The following AXDND1 variants were observed in gnomAD, a reference collection of about 807,000 sequenced individuals.
AXDND1 encodes axonemal dynein light chain domain containing 1, also known as axonemal dynein light chain domain-containing protein 1.
AXDND1 carries 110 observed loss-of-function variants against 137.5 expected under a neutral mutation model. The ratio of observed to expected loss-of-function variants is 0.80; its 90% CI spans 0.69 to 0.94. AXDND1 has a LOEUF of 0.94. AXDND1 is among the 40% of genes least tolerant of loss of function. The pLI is 0.00. For missense variants in AXDND1, 1,191 were observed against 1,169.8 expected, an observed-to-expected ratio of 1.02 and a Z score of -0.26; for synonymous variants, 414 against 399.7, an observed-to-expected ratio of 1.04 and a Z score of -0.43.
chr1:179,457,382 A>G (rs1271167828), intron 16 of AXDND1: 3 of 423,410 alleles, frequency 7.1e-6, no homozygotes, highest in Admixed American at 3.0e-5. Flanking sequence ...GGCGGCGTCC[A>G]GGGGCAGAAA....
In AXDND1 at chr1:179,403,958, T is replaced by G. The variant is rs185460303; in HGVS notation, c.1110-7188T>G. 3.9e-5 allele frequency among the ~76,000 whole-genome samples: 6 copies of G among 152,326 alleles called. No individual in the cohort carries two copies. The East Asian group carries it at 1.2e-3, about 29-fold the overall frequency. On this transcript the variant is annotated intron_variant, in intron 11 of 25. Transcript: ENST00000367618. ...ACAAAAGTATTACAGTAATACCGTA[T>G]GTACTGTAGTTAATTTTATTCAACT...
intron 23 of AXDND1, among the ~76,000 whole-genome samples, chr1:179,530,335 T>C (rs1047922936): frequency 2.0e-5 from 3 of 152,078 alleles, no homozygotes; most frequent in African/African-American, 7.2e-5. Flanking sequence ...GGCCAAAATT[T>C]TTTAAAAAGG....
chr1:179,390,476 T>A (rs1173390249), intron 9 of AXDND1, among the ~76,000 whole-genome samples: 2 of 152,222 alleles, frequency 1.3e-5, no homozygotes, highest in African/African-American at 4.8e-5. Flanking sequence ...TCGTTTTACA[T>A]GTTGTCAATT....
At chr1:179,490,656 A>G (rs1210371860) in intron 18 of AXDND1, among the ~76,000 whole-genome samples, 3 of 152,168 alleles carry the variant, frequency 2.0e-5, no homozygotes, top group South Asian at 4.1e-4. Context: ...CCACTTACCA[A>G]TGTAAGGCAT....
chr1:179,465,635 A>G (rs1663036347), intron 16 of AXDND1, among the ~76,000 whole-genome samples: 1 of 152,148 alleles, frequency 6.6e-6, no homozygotes, highest in Non-Finnish European at 1.5e-5. Context: ...GAGAACCACT[A>G]CTTGCTTCAA....
At chr1:179,535,141 A>G in intron 25 of AXDND1, 179 bp downstream of exon 25, 1 of 867,158 alleles carries the variant, frequency 1.2e-6, no homozygotes, top group East Asian at 2.9e-5. Context: ...ACTCACAAAA[A>G]GGAAAACCAA....
chr1:179,373,138 A>G (rs1668212617), intron 4 of AXDND1, among the ~76,000 whole-genome samples: 1 of 152,224 alleles, frequency 6.6e-6, no homozygotes, highest in African/African-American at 2.4e-5. Flanking sequence ...TCTAAGGGAC[A>G]CATTCAAACC....
chr1:179,490,762 G>GT (rs34944088), intron 18 of AXDND1, among the ~76,000 whole-genome samples: 85,031 of 146,552 alleles, frequency 0.58, 25,671 homozygotes, highest in Non-Finnish European at 0.67. Flanking sequence ...CACAGTACTT[G>GT]TTTTTTTTTT....
intron 4 of AXDND1, among the ~76,000 whole-genome samples, chr1:179,376,839 A>G (rs1184437218): frequency 6.6e-6 from 1 of 152,164 alleles, no homozygotes; most frequent in African/African-American, 2.4e-5. Context: ...GTCACTTACA[A>G]TATGGTTAAT....
At chr1:179,546,121 G>GA (rs1558329375) in intron 25 of AXDND1, 1 of 152,120 alleles carries the variant, frequency 6.6e-6, no homozygotes. Flanking sequence ...CCAAGAGAGA[G>GA]AAAAGCTACC....
intron 18 of AXDND1, among the ~76,000 whole-genome samples, chr1:179,485,590 T>C (rs1030087556): frequency 5.9e-5 from 9 of 152,222 alleles, no homozygotes; most frequent in South Asian, 2.1e-4. Flanking sequence ...TCACAAAGAT[T>C]AGAAAGAGCC....
chr1:179,425,834 TC>T (rs139603933), intron 12 of AXDND1, among the ~76,000 whole-genome samples: 1 of 116,808 alleles, frequency 8.6e-6, no homozygotes, highest in Admixed American at 9.5e-5. Flanking sequence ...ATGTGGAAGC[TC>T]TTTTTTTTTT....
At chr1:179,473,596 T>C (rs981247620) in intron 17 of AXDND1, among the ~76,000 whole-genome samples, 1 of 152,188 alleles carries the variant, frequency 6.6e-6, no homozygotes, top group African/African-American at 2.4e-5. Context: ...CCTTTTGTGG[T>C]ATAATTTTAT....
At chr1:179,478,029 G>T (rs371291160) in intron 17 of AXDND1, among the ~76,000 whole-genome samples, 14 of 152,278 alleles carry the variant, frequency 9.2e-5, no homozygotes, top group African/African-American at 3.4e-4. Context: ...TCTCACATCT[G>T]GGTCATGCTC....
chr1:179,387,595 A>G (rs1309731733), intron 9 of AXDND1, among the ~76,000 whole-genome samples: 1 of 152,234 alleles, frequency 6.6e-6, no homozygotes, highest in African/African-American at 2.4e-5. Flanking sequence ...TGGATGCTGT[A>G]TATTTTTGTT....
chr1:179,478,443 G>A (rs922442835), intron 17 of AXDND1, among the ~76,000 whole-genome samples: 3 of 152,110 alleles, frequency 2.0e-5, no homozygotes, highest in African/African-American at 7.2e-5. Context: ...ATACCATGTG[G>A]ATGCTGCCAT....
At chr1:179,389,562 G>T (rs1362616646) in intron 9 of AXDND1, among the ~76,000 whole-genome samples, 1 of 152,136 alleles carries the variant, frequency 6.6e-6, no homozygotes, top group Non-Finnish European at 1.5e-5. Context: ...TCAGCCCAAG[G>T]CTTAGTCTCT....
Position 179,410,950 on chromosome 1 carries a change from A to G in AXDND1, c.1110-196A>G, listed in dbSNP as rs184066874. On this transcript the variant is annotated intron_variant, in intron 11 of 25. Coordinates refer to ENST00000367618, the MANE Select transcript of AXDND1 (RefSeq NM_144696.6). ...ATTAAGACTTTTATAAGATTTATAA[A>G]TTAAATGTGAGTATTTTTCTTCTAT... is the stretch of plus-strand genomic sequence containing the variant. Among the ~76,000 whole-genome samples the G allele has an allele frequency of 5.3e-3, 804 of 152,366 alleles. 9 individuals are homozygous for G. The highest frequency in any genetic ancestry group is 0.019 in the African/African-American group (781 of 41,592).
At chr1:179,378,844 A>C (rs1432905034) in intron 5 of AXDND1, 87 bp downstream of exon 5, 1 of 1,103,982 alleles carries the variant, frequency 9.1e-7, no homozygotes, top group Non-Finnish European at 1.2e-6. Context: ...TAAATATAAA[A>C]TATAAAACAA....
Sources: gnomAD v4.1 joint callset for allele counts (sites outside exome capture counted in the v4.1 genomes callset) on GRCh38, gnomAD v4.1.1 for gene constraint, MANE v1.5 for transcripts, NCBI Gene and HGNC (gene_info 2026-07-23, HGNC 2026-07-21) for gene names.